Variants in COL14A1 observed in about 807,000 individuals in gnomAD.
COL14A1 encodes the protein collagen type XIV alpha 1 chain.
In COL14A1, 136 loss-of-function variants were observed where a neutral mutation model predicts 230.3. That is an observed-to-expected ratio of 0.59 (90% CI 0.51 to 0.68). The LOEUF (loss-of-function observed/expected upper bound fraction) is 0.68, where lower values mean the gene tolerates loss of function less well. Ranked by LOEUF, COL14A1 falls within the 30% of genes least tolerant of loss-of-function variation. The pLI is 0.00. For missense variants in COL14A1, 1,976 were observed against 2,215.8 expected, an observed-to-expected ratio of 0.89 and a Z score of 2.17; for synonymous variants, 792 against 784.1, an observed-to-expected ratio of 1.01 and a Z score of -0.17.
chr8:120,133,534 T>C (rs1376940166), intron 1 of COL14A1, among the ~76,000 whole-genome samples: 1 of 152,172 alleles, frequency 6.6e-6, no homozygotes, highest in Non-Finnish European at 1.5e-5. Context: ...AGAAAAAAGT[T>C]AGAGGATATT....
chr8:120,217,000 T>C (rs1227272932), intron 14 of COL14A1, among the ~76,000 whole-genome samples: 1 of 152,126 alleles, frequency 6.6e-6, no homozygotes, highest in Admixed American at 6.5e-5. Context: ...CCCAGATTTA[T>C]AGGTGGGGAG....
intron 1 of COL14A1, among the ~76,000 whole-genome samples, chr8:120,132,437 C>T (rs149891311): frequency 2.6e-4 from 40 of 152,188 alleles, no homozygotes; most frequent in African/African-American, 8.9e-4. Context: ...TGTACCAGTA[C>T]CATGCTTTTT....
chr8:120,325,346 C>T (rs1387237830), intron 40 of COL14A1, among the ~76,000 whole-genome samples: 1 of 152,036 alleles, frequency 6.6e-6, no homozygotes, highest in African/African-American at 2.4e-5. Flanking sequence ...TTAAAAAAAT[C>T]CCTGTCTGTG....
intron 40 of COL14A1, among the ~76,000 whole-genome samples, chr8:120,325,217 A>C (rs1197957020): frequency 6.6e-6 from 1 of 152,214 alleles, no homozygotes; most frequent in African/African-American, 2.4e-5. Context: ...AAAACAAATT[A>C]TAAAAATCCT....
At chr8:120,193,342 C>T (rs531315723) in intron 5 of COL14A1, among the ~76,000 whole-genome samples, 46 of 152,296 alleles carry the variant, frequency 3.0e-4, no homozygotes, top group African/African-American at 6.7e-4. Flanking sequence ...GTATCAGCAA[C>T]GGTGGCTGCA....
intron 8 of COL14A1, among the ~76,000 whole-genome samples, chr8:120,200,715 TTATATATATATATATATATATA>T (rs34177030): frequency 0.016 from 1,346 of 85,732 alleles, 66 homozygotes; most frequent in African/African-American, 0.049. Context: ...GTTTTCCTAT[TTATATATATATATATATATATA>T]TATATATATA....
chr8:120,247,428 A>AG, intron 20 of COL14A1, among the ~76,000 whole-genome samples, 185 bp from the exon 21 acceptor site: 1 of 8,918 alleles, frequency 1.1e-4, no homozygotes, highest in South Asian at 6.1e-3. Flanking sequence ...GTCTCAAAAA[A>AG]GAAAAAAAAA....
At chr8:120,184,561 T>A (rs1484300565) in intron 5 of COL14A1, among the ~76,000 whole-genome samples, 1 of 152,118 alleles carries the variant, frequency 6.6e-6, no homozygotes, top group Non-Finnish European at 1.5e-5. Context: ...AGATATTGAT[T>A]TAATATAAGG....
chr8:120,232,080 C>T (rs1277214405), intron 19 of COL14A1: 1 of 152,578 alleles, frequency 6.6e-6, no homozygotes, highest in Non-Finnish European at 1.5e-5. Flanking sequence ...TAATAAAATA[C>T]CATCCGTTAA....
At position 120,162,592 on chromosome 8, in the gene COL14A1, G is replaced by A. The variant is rs370831650; in HGVS notation, c.349+23G>A. ...GAAGTACGTATTTACAGTTCTCAAA[G>A]CACCTCCGCAGGACTCTGTCCCAGC... On this transcript the variant is annotated intron_variant, in intron 4 of 47. Transcript: ENST00000297848. 28 of 1,584,762 alleles carry A rather than the reference G, an allele frequency of 1.8e-5. No homozygotes were observed. The African/African-American group carries it at 2.7e-4, about 15-fold the overall frequency.
At chr8:120,203,899 G>A in intron 9 of COL14A1, 29 bp downstream of exon 9, 1 of 1,606,816 alleles carries the variant, frequency 6.2e-7, no homozygotes, top group Non-Finnish European at 8.5e-7. Context: ...CAGTCCTGTG[G>A]ATGTCAGTAT....
intron 14 of COL14A1, among the ~76,000 whole-genome samples, chr8:120,223,571 G>A (rs940791374): frequency 1.3e-5 from 2 of 152,160 alleles, no homozygotes; most frequent in African/African-American, 4.8e-5. Context: ...ACAGGAGGCT[G>A]AGGCAAGAGA....
At chr8:120,139,073 G>A (rs940686261) in intron 1 of COL14A1, among the ~76,000 whole-genome samples, 1 of 152,174 alleles carries the variant, frequency 6.6e-6, no homozygotes, top group African/African-American at 2.4e-5. Context: ...GAGAAGAAAT[G>A]CTTCTAACTG....
chr8:120,147,895 C>A lies in COL14A1; in HGVS notation c.53C>A (p.Ala18Glu). 6.2e-7 allele frequency: 1 copy of A among 1,613,758 alleles called. No homozygotes were observed. The change falls in exon 2 of 48, where the codon GCA (alanine) becomes GAA (glutamate). Residue 18 changes from alanine to glutamate, a missense_variant. Physicochemically the swap from Ala to Glu is moderately radical, Grantham distance 107. Transcript: ENST00000297848. ...TACTGGTTGCTTCCACCTTTTTTGG[C>A]AATTGTTTATTTCTGCACCATTGTC... ...MRYWLLPPFLAIVYFCTIVQG... is the reference protein window; with the variant it reads ...MRYWLLPPFLEIVYFCTIVQG...
At chr8:120,305,684 T>G (rs1490621270) in intron 36 of COL14A1, among the ~76,000 whole-genome samples, 2 of 152,168 alleles carry the variant, frequency 1.3e-5, no homozygotes, top group East Asian at 3.8e-4. Flanking sequence ...CTTTCTTGGT[T>G]TTTCTTAATT....
intron 34 of COL14A1, among the ~76,000 whole-genome samples, chr8:120,294,595 C>CT (rs59368728): frequency 0.97 from 146,703 of 151,580 alleles, 70,993 homozygotes; most frequent in East Asian, 1. Flanking sequence ...AATATGAGAT[C>CT]TTTGACATAC....
rs377309664 is a variant in COL14A1 at position 120,316,000 on chromosome 8, A to G, written c.4659+3A>G. ...GTGATGGCTCACCAGGCCAGAGGGTAAGGTCTTGCCCAAGGTTGGTTTTTA... is the reference window on the plus strand; with the variant it reads ...GTGATGGCTCACCAGGCCAGAGGGTGAGGTCTTGCCCAAGGTTGGTTTTTA... On this transcript the variant is annotated splice_donor_region_variant and intron_variant, in intron 40 of 47. Coordinates refer to ENST00000297848, the MANE Select transcript of COL14A1 (RefSeq NM_021110.4). 1.9e-6 allele frequency: 3 copies of G among 1,613,892 alleles called. No individual in the cohort carries two copies. The highest frequency in any genetic ancestry group is 1.3e-5 in the African/African-American group (1 of 74,922).
At chr8:120,252,582 A>T (rs1384650018) in intron 22 of COL14A1, among the ~76,000 whole-genome samples, 1 of 152,216 alleles carries the variant, frequency 6.6e-6, no homozygotes, top group Non-Finnish European at 1.5e-5. Flanking sequence ...GCCTTGGGCA[A>T]ATTGCTTAAC....
At chr8:120,182,885 C>T (rs1003677105) in intron 5 of COL14A1, among the ~76,000 whole-genome samples, 3 of 151,758 alleles carry the variant, frequency 2.0e-5, no homozygotes, top group Middle Eastern at 3.2e-3. Flanking sequence ...TGACACCATG[C>T]CTGGATAATT....
Sources: gnomAD v4.1 joint callset for allele counts (sites outside exome capture counted in the v4.1 genomes callset) on GRCh38, gnomAD v4.1.1 for gene constraint, MANE v1.5 for transcripts, NCBI Gene and HGNC (gene_info 2026-07-23, HGNC 2026-07-21) for gene names.